The following KIF13B variants were observed in gnomAD, a reference collection of about 807,000 sequenced individuals.
The protein encoded by KIF13B is kinesin family member 13B.
KIF13B carries 127 observed loss-of-function variants against 222.0 expected under a neutral mutation model. That is an observed-to-expected ratio of 0.57 (90% confidence interval 0.50 to 0.66). The LOEUF is 0.66. KIF13B is among the 30% of genes least tolerant of loss of function. KIF13B has a pLI of 0.00. For synonymous variants in KIF13B, 976 were observed against 919.0 expected (o/e 1.06, Z -1.12); for missense variants, 2,173 against 2,379.0 (o/e 0.91, Z 1.80).
At chr8:29,237,362 T>C (rs1815559104) in intron 2 of KIF13B, among the ~76,000 whole-genome samples, 1 of 152,176 alleles carries the variant, frequency 6.6e-6, no homozygotes, top group Non-Finnish European at 1.5e-5. Context: ...ATATATTATA[T>C]GCAATCTGAC....
chr8:29,213,555 A>C (rs1483805951), intron 2 of KIF13B, among the ~76,000 whole-genome samples: 1 of 152,208 alleles, frequency 6.6e-6, no homozygotes, highest in Admixed American at 6.5e-5. Flanking sequence ...CCTACTATGC[A>C]CACAGGCTGT....
chr8:29,240,984 C>T (rs1815751900), intron 2 of KIF13B, among the ~76,000 whole-genome samples: 1 of 152,106 alleles, frequency 6.6e-6, no homozygotes, highest in African/African-American at 2.4e-5. Context: ...GAAATGAAAA[C>T]GGACGTCCAC....
At chr8:29,099,309 ATAC>A in intron 35 of KIF13B, 68 bp from the exon 36 acceptor site, 6 of 1,060,764 alleles carry the variant, frequency 5.7e-6, no homozygotes, top group Non-Finnish European at 8.4e-6. Context: ...AAAATTACAG[ATAC>A]TCAAGAAAAA....
At chr8:29,207,385 A>G (rs982239774) in intron 2 of KIF13B, among the ~76,000 whole-genome samples, 2 of 152,148 alleles carry the variant, frequency 1.3e-5, no homozygotes, top group African/African-American at 2.4e-5. Flanking sequence ...TTCTTTTCTA[A>G]GGAAGTATCA....
At chr8:29,250,985 T>C (rs964378225) in intron 1 of KIF13B, among the ~76,000 whole-genome samples, 1 of 151,966 alleles carries the variant, frequency 6.6e-6, no homozygotes, top group African/African-American at 2.4e-5. Flanking sequence ...ACCCCATCTC[T>C]ACAAAAAATA....
intron 36 of KIF13B, among the ~76,000 whole-genome samples, chr8:29,093,833 C>T (rs182150039): frequency 1.4e-4 from 21 of 151,668 alleles, no homozygotes; most frequent in Non-Finnish European, 2.7e-4. Flanking sequence ...ATGGCTATAC[C>T]GAGCCGAGAG....
At chr8:29,073,994 T>G (rs1469488850) in intron 38 of KIF13B, among the ~76,000 whole-genome samples, 1 of 152,222 alleles carries the variant, frequency 6.6e-6, no homozygotes, top group African/African-American at 2.4e-5. Flanking sequence ...TTTATTCTCT[T>G]CTATTTTAGT....
At chr8:29,217,201 G>A (rs185304791) in intron 2 of KIF13B, among the ~76,000 whole-genome samples, 135 of 152,278 alleles carry the variant, frequency 8.9e-4, no homozygotes, top group East Asian at 5.0e-3. Flanking sequence ...GCAACTGTCC[G>A]GCCTGCCTGT....
chr8:29,098,475 C>T (rs1052634970), intron 36 of KIF13B, among the ~76,000 whole-genome samples: 14 of 150,746 alleles, frequency 9.3e-5, no homozygotes, highest in African/African-American at 2.2e-4. Context: ...TGGTGGTGGG[C>T]GCCTGTAATC....
chr8:29,130,332 C>T (rs184650474), intron 24 of KIF13B, among the ~76,000 whole-genome samples: 142 of 152,138 alleles, frequency 9.3e-4, no homozygotes, highest in Admixed American at 3.3e-3. Flanking sequence ...GGCAACAAAG[C>T]GAGATCCCTG....
intron 19 of KIF13B, 38 bp downstream of exon 19, chr8:29,142,119 T>C (rs1359769860): frequency 5.1e-6 from 8 of 1,578,402 alleles, no homozygotes; most frequent in Non-Finnish European, 6.1e-6. Flanking sequence ...GCTCCTTCCA[T>C]AATTACCAAT....
At chr8:29,236,248 A>C (rs1173883248) in intron 2 of KIF13B, among the ~76,000 whole-genome samples, 1 of 152,212 alleles carries the variant, frequency 6.6e-6, no homozygotes, top group Non-Finnish European at 1.5e-5. Flanking sequence ...AATGGTATTG[A>C]GGTTATGTTT....
chr8:29,160,689 C>T (rs767285098), intron 13 of KIF13B, 44 bp downstream of exon 13: 4 of 1,570,210 alleles, frequency 2.5e-6, no homozygotes, highest in Non-Finnish European at 3.5e-6. Flanking sequence ...GAAATATTGT[C>T]CTATTTTGTA....
At chr8:29,099,857 T>C (rs1808711080) in intron 35 of KIF13B, among the ~76,000 whole-genome samples, 1 of 152,188 alleles carries the variant, frequency 6.6e-6, no homozygotes, top group African/African-American at 2.4e-5. Flanking sequence ...ACGTATTCCT[T>C]CTGCAATTCT....
chr8:29,242,458 C>T (rs1815824081), intron 2 of KIF13B, among the ~76,000 whole-genome samples: 1 of 152,120 alleles, frequency 6.6e-6, no homozygotes, highest in South Asian at 2.1e-4. Flanking sequence ...TAAAGGGAAG[C>T]AATTTAGAAA....
intron 6 of KIF13B, among the ~76,000 whole-genome samples, chr8:29,185,506 A>T (rs973109004): frequency 3.9e-5 from 6 of 152,224 alleles, no homozygotes; most frequent in Non-Finnish European, 7.3e-5. Context: ...CTGAGCATCA[A>T]TTCAATCTCC....
At chr8:29,088,232 C>T (rs535904699) in intron 37 of KIF13B, among the ~76,000 whole-genome samples, 1 of 151,926 alleles carries the variant, frequency 6.6e-6, no homozygotes, top group Non-Finnish European at 1.5e-5. Context: ...CACCACTGTA[C>T]TCCAGCCTGG....
intron 22 of KIF13B, among the ~76,000 whole-genome samples, chr8:29,133,556 A>C (rs1044895014): frequency 1.3e-5 from 2 of 152,212 alleles, no homozygotes; most frequent in African/African-American, 4.8e-5. Context: ...GTGCCACTGC[A>C]CTCCAGCCTG....
Position 29,115,368 on chromosome 8 carries a change from C to A in KIF13B, c.3837+1463G>T, listed in dbSNP as rs538856867. ...TGAGACAGAGTTTCACTCTTGTTGC[C>A]CAGGCTGGAGTGCAACGGTGCAATC... On this transcript the variant is annotated intron_variant, in intron 31 of 39. Coordinates refer to ENST00000524189, the MANE Select transcript of KIF13B (RefSeq NM_015254.4). 2.6e-5 allele frequency among the ~76,000 whole-genome samples: 4 copies of A among 151,142 alleles called. No individual in the cohort carries two copies. The South Asian group carries it at 8.4e-4, about 32-fold the overall frequency.
Sources: gnomAD v4.1 joint callset for allele counts (sites outside exome capture counted in the v4.1 genomes callset) on GRCh38, gnomAD v4.1.1 for gene constraint, MANE v1.5 for transcripts, NCBI Gene and HGNC (gene_info 2026-07-23, HGNC 2026-07-21) for gene names.